The following ABCA6 variants were observed in gnomAD, a reference collection of about 807,000 sequenced individuals.
ABCA6 encodes the protein ATP binding cassette subfamily A member 6, also known as ATP-binding cassette sub-family A member 6.
Under a neutral mutation model 191.2 loss-of-function variants are expected in ABCA6, and 164 were observed. That is an observed-to-expected ratio of 0.86 (90% CI 0.76 to 0.98). ABCA6 has a LOEUF of 0.98. Ranked by LOEUF, ABCA6 falls within the 50% of genes least tolerant of loss-of-function variation. The probability of loss-of-function intolerance (pLI) is 0.00; values close to 1 mark genes in which losing one functional copy is unlikely to be tolerated. For synonymous variants in ABCA6, 636 were observed against 647.7 expected (o/e 0.98, Z 0.27); for missense variants, 1,958 against 1,894.1 (o/e 1.03, Z -0.63).
chr17:69,134,454 C>G (rs932172626), intron 5 of ABCA6, among the ~76,000 whole-genome samples, 185 bp downstream of exon 5: 4 of 152,134 alleles, frequency 2.6e-5, no homozygotes, highest in African/African-American at 9.7e-5. Context: ...TTTGAGCCTG[C>G]CAACACCTTG....
At chr17:69,132,093 C>CTT (rs1334468346) in intron 6 of ABCA6, among the ~76,000 whole-genome samples, 2 of 151,966 alleles carry the variant, frequency 1.3e-5, no homozygotes, top group African/African-American at 4.8e-5. Context: ...AAGATTCTCT[C>CTT]CATTAATAAA....
At chr17:69,113,026 A>G in intron 15 of ABCA6, 196 bp downstream of exon 15, 2 of 471,378 alleles carry the variant, frequency 4.2e-6, no homozygotes. Flanking sequence ...AGAATTTTTC[A>G]TTAGTTGTCA....
intron 4 of ABCA6, among the ~76,000 whole-genome samples, 199 bp from the exon 5 acceptor site, chr17:69,134,941 G>C (rs1170391052): frequency 2.4e-5 from 3 of 126,890 alleles, no homozygotes; most frequent in Non-Finnish European, 4.7e-5. Flanking sequence ...GGAGTGCAGT[G>C]GTGCGATCTC....
In ABCA6 at chr17:69,136,138, T is replaced by C. The variant is rs2073943951; in HGVS notation, c.414A>G (p.Ile138Met). The change falls in exon 4 of 39, where the codon ATA becomes ATG. Residue 138 changes from isoleucine to methionine, a missense_variant. By Grantham distance (10) the Ile-to-Met change is conservative (BLOSUM62 1). Coordinates refer to ENST00000284425, the MANE Select transcript of ABCA6 (RefSeq NM_080284.3). The stretch of plus-strand genomic sequence containing the variant: ...GTGGACTGTTATATCCCTGGAAAAA[T>C]ATTAACTTATAAGAGAAAGTTTCAT... ...IFNETFSYKL[I>M]FFQGYNSPLW... is the part of the protein sequence containing the mutation. The C allele has an allele frequency of 1.2e-6, 2 of 1,609,190 alleles. No homozygotes were observed. Among genetic ancestry groups the C allele is most frequent in the Non-Finnish European group, 1.7e-6 (2 of 1,177,506 alleles).
At position 69,082,992 on chromosome 17, in the gene ABCA6, G is replaced by T; in HGVS notation, c.4497C>A (p.His1499Gln). ...AATCCTTGCCAAGTTTGTTTTTCAG[G>T]TGTTGGATGGAGCCAATGCATCTAT... ...GRLRCIGSIQ[H>Q]LKNKLGKDYI... The change falls in exon 36 of 39, where the codon CAC becomes CAA. Residue 1499 changes from histidine (H) to glutamine (Q), a missense_variant. Transcript: ENST00000284425. 6.2e-7 allele frequency: 1 copy of T among 1,614,146 alleles called. No individual in the cohort carries two copies. The highest frequency in any genetic ancestry group is 8.5e-7 in the Non-Finnish European group (1 of 1,180,014).
intron 24 of ABCA6, 70 bp from the exon 25 acceptor site, chr17:69,096,423 T>C: frequency 1.0e-6 from 1 of 982,726 alleles, no homozygotes; most frequent in Non-Finnish European, 1.4e-6. Flanking sequence ...AGATTACAAC[T>C]TTTAAAAAAC....
intron 12 of ABCA6, 100 bp from the exon 13 acceptor site, chr17:69,115,037 T>C: frequency 1.1e-6 from 1 of 926,166 alleles, no homozygotes; most frequent in Non-Finnish European, 1.6e-6. Context: ...CACAAATGTC[T>C]AAAATGATTT....
chr17:69,088,282 T>C (rs1405549064), intron 27 of ABCA6, 24 bp from the exon 28 acceptor site: 1 of 1,512,742 alleles, frequency 6.6e-7, no homozygotes. Flanking sequence ...AATACAGTTA[T>C]ATTTAGGCAT....
intron 17 of ABCA6, chr17:69,108,046 T>TAA (rs2144662634): frequency 2.3e-6 from 1 of 433,584 alleles, no homozygotes; most frequent in African/African-American, 2.1e-5. Context: ...ATTCTCAGTT[T>TAA]ATGAGCTTCC....
At chr17:69,080,219 A>C (rs550099041) in intron 37 of ABCA6, among the ~76,000 whole-genome samples, 1 of 152,316 alleles carries the variant, frequency 6.6e-6, no homozygotes, top group South Asian at 2.1e-4. Context: ...TGTTCTAGGC[A>C]CTTAAAATAT....
chr17:69,083,429 C>T, intron 34 of ABCA6, 98 bp from the exon 35 acceptor site: 1 of 1,269,850 alleles, frequency 7.9e-7, no homozygotes, highest in Non-Finnish European at 1.0e-6. Context: ...GATCCTAATG[C>T]AAAAAAATAG....
rs1419969459 is a variant in ABCA6, at chr17:69,124,987, A to G, written c.1168T>C (p.Ser390Pro). The change falls in exon 9 of 39, where the codon TCA becomes CCA. Residue 390 changes from serine to proline, a missense_variant. By Grantham distance (74) the Ser-to-Pro change is moderately conservative. Coordinates refer to ENST00000284425, the MANE Select transcript of ABCA6 (RefSeq NM_080284.3). ...GCTATCATTGTATATGAGTCTCCTG[A>G]AGGGTCAGGAAAAATTACACCATTC... Reference protein sequence around the residue: ...NLNGVIFPDPSGDSYTMIATF... With the variant: ...NLNGVIFPDPPGDSYTMIATF... The G allele has an allele frequency of 5.9e-6, 9 of 1,519,466 alleles. No homozygotes were observed. The highest frequency in any genetic ancestry group is 8.0e-6 in the Non-Finnish European group (9 of 1,126,922). The allele number at this position is 1,519,466 out of a possible 1,614,324, so 94.1% of individuals were successfully genotyped here.
Position 69,091,179 on chromosome 17 carries a change from T to C in ABCA6, c.3492A>G (p.Ser1164=), listed in dbSNP as rs754544070. The C allele has an allele frequency of 3.1e-6, 5 of 1,611,596 alleles. No homozygotes were observed. Among genetic ancestry groups the C allele is most frequent in the African/African-American group, 2.7e-5 (2 of 74,866 alleles). The change falls in exon 26 of 39, where the codon TCA becomes TCG. Residue 1164 remains serine, a synonymous_variant. Coordinates refer to ENST00000284425, the MANE Select transcript of ABCA6 (RefSeq NM_080284.3). ...ILITTMVLVP[S]YTLLGFKTFL... is the part of the protein sequence containing the mutation. ...AAGTTTTAAATCCAAGCAAGGTATA[T>C]GAAGGAACCAATACCATGGTGGTAA... is the stretch of plus-strand genomic sequence containing the variant.
In ABCA6 at chr17:69,114,942, GAA is replaced by G. The variant is rs750051030; in HGVS notation, c.1607-7_1607-6del. On this transcript the variant is annotated splice_region_variant and splice_polypyrimidine_tract_variant and intron_variant, in intron 12 of 38. Coordinates refer to ENST00000284425, the MANE Select transcript of ABCA6 (RefSeq NM_080284.3). ...TATTATAGATGGTAACTGATCCTAA[GAA>G]TAGAAGTTAAAAATAAAATTGGCAA... 8.9e-6 allele frequency: 14 copies of G among 1,581,588 alleles called. No individual in the cohort carries two copies. Among genetic ancestry groups the G allele is most frequent in the Non-Finnish European group, 1.2e-5 (14 of 1,163,740 alleles).
rs748933886 is a variant in ABCA6, at chr17:69,087,408, A to G, written c.3764T>C (p.Ile1255Thr). Residue 1255 changes from isoleucine to threonine, a missense_variant, in exon 29 of 39, where the codon ATT becomes ACT. Transcript: ENST00000284425. ...PEEPIDEDED[I>T]QTERIRTATA... ...GGCTGTTCTTATTCTTTCTGTTTGAATATCTTCATCTTCATCTATGGGTTC... is the reference window on the plus strand; with the variant it reads ...GGCTGTTCTTATTCTTTCTGTTTGAGTATCTTCATCTTCATCTATGGGTTC... 6.2e-7 allele frequency: 1 copy of G among 1,613,896 alleles called. No homozygotes were observed. Among genetic ancestry groups the G allele is most frequent in the South Asian group, 1.1e-5 (1 of 91,074 alleles).
chr17:69,103,344 C>T (rs2073222261), intron 20 of ABCA6, among the ~76,000 whole-genome samples: 1 of 152,190 alleles, frequency 6.6e-6, no homozygotes, highest in Admixed American at 6.5e-5. Context: ...AATGATAACA[C>T]TCTTCTCTCT....
At chr17:69,090,411 C>T (rs958300405) in intron 26 of ABCA6, among the ~76,000 whole-genome samples, 5 of 152,170 alleles carry the variant, frequency 3.3e-5, no homozygotes, top group Non-Finnish European at 7.4e-5. Flanking sequence ...CTTTGCTTTC[C>T]TCTGCAGAAC....
chr17:69,100,397 A>G (rs1051584937), intron 22 of ABCA6, among the ~76,000 whole-genome samples: 6 of 152,190 alleles, frequency 3.9e-5, no homozygotes, highest in African/African-American at 1.4e-4. Context: ...CCTTCATATT[A>G]GTCTGTCTAC....
intron 19 of ABCA6, 93 bp from the exon 20 acceptor site, chr17:69,105,721 C>A: frequency 1.0e-6 from 1 of 985,468 alleles, no homozygotes; most frequent in Non-Finnish European, 1.5e-6. Flanking sequence ...GCCAAGCCTG[C>A]CTTATGCCAA....
Sources: gnomAD v4.1 joint callset for allele counts (sites outside exome capture counted in the v4.1 genomes callset) on GRCh38, gnomAD v4.1.1 for gene constraint, MANE v1.5 for transcripts, NCBI Gene and HGNC (gene_info 2026-07-23, HGNC 2026-07-21) for gene names.